Variants in CIB2 observed in about 807,000 individuals in gnomAD.
The protein encoded by CIB2 is calcium and integrin-binding family member 2.
Under a neutral mutation model 23.1 loss-of-function variants are expected in CIB2, and 19 were observed. The ratio of observed to expected loss-of-function variants is 0.82; its 90% confidence interval spans 0.57 to 1.21. CIB2 has a LOEUF of 1.21. Ranked by LOEUF, CIB2 falls within the 50% of genes most tolerant of loss-of-function variation. The pLI is 0.00. For synonymous variants in CIB2, 94 were observed against 91.7 expected (o/e 1.03, Z -0.14); for missense variants, 220 against 241.5 (o/e 0.91, Z 0.59).
At chr15:78,115,727 G>A (rs1234492521) in intron 2 of CIB2, among the ~76,000 whole-genome samples, 1 of 136,456 alleles carries the variant, frequency 7.3e-6, no homozygotes, top group East Asian at 2.1e-4. Context: ...ACCCAGGCTG[G>A]AGTGCAGTGG....
At chr15:78,112,396 G>C (rs1263194842) in intron 2 of CIB2, among the ~76,000 whole-genome samples, 3 of 151,742 alleles carry the variant, frequency 2.0e-5, no homozygotes, top group Admixed American at 2.0e-4. Context: ...GCAAGACCCT[G>C]TCTCTACAAA....
rs141932061 is a variant in CIB2 at position 78,105,833 on chromosome 15, C to T, written c.448G>A (p.Asp150Asn). ...LDEEEVVLVC[D>N]KVIEEADLDG... ...AAGTCAGCCTCCTCAATGACCTTGT[C>T]GCACACAAGCACCACCTCCTCCTCA... is the stretch of plus-strand genomic sequence containing the variant. Residue 150 changes from aspartate to asparagine, a missense_variant, in exon 5 of 6, where the codon GAC (aspartate) becomes AAC (asparagine). Transcript: ENST00000258930. 1,937 of 1,614,212 alleles carry T rather than the reference C, an allele frequency of 1.2e-3. 15 individuals carry two copies. The highest frequency in any genetic ancestry group is 9.0e-3 in the South Asian group (823 of 91,090).
rs541491000 is a variant in CIB2, at chr15:78,105,255, T to C, written c.*56A>G. ...CTGGGGAGCTTGGAGGCCACACCCA[T>C]GTGACTGCAGGGCAGGATGGTGGAC... On this transcript the variant is annotated 3_prime_UTR_variant, in exon 6 of 6. Coordinates refer to ENST00000258930, the MANE Select transcript of CIB2 (RefSeq NM_006383.4). The C allele has an allele frequency of 1.9e-6, 3 of 1,611,284 alleles. No homozygotes were observed. Among genetic ancestry groups the C allele is most frequent in the East Asian group, 2.2e-5 (1 of 44,808 alleles).
chr15:78,105,161 GT>G lies in CIB2; in HGVS notation c.*149del, dbSNP rs149170192. The G allele has an allele frequency of 6.3e-3, 5,748 of 912,238 alleles. No homozygotes were observed. The highest frequency in any genetic ancestry group is 9.0e-3 in the Middle Eastern group (32 of 3,556). The allele number at this position is 912,238 out of a possible 1,614,324, so 56.5% of individuals were successfully genotyped here. On this transcript the variant is annotated 3_prime_UTR_variant, in exon 6 of 6. Coordinates refer to ENST00000258930, the MANE Select transcript of CIB2 (RefSeq NM_006383.4). ...TTCACAGGCCCCCTTCCTGGTTAAG[GT>G]TTTTTTTTTGCTGAAAGGGCCACAG...
At chr15:78,129,626 C>T (rs1356743309) in intron 1 of CIB2, among the ~76,000 whole-genome samples, 2 of 152,214 alleles carry the variant, frequency 1.3e-5, no homozygotes, top group Non-Finnish European at 2.9e-5. Flanking sequence ...GTGCCCTTCC[C>T]TAGAACACAC....
chr15:78,127,341 A>T (rs1384734085), intron 1 of CIB2, among the ~76,000 whole-genome samples: 4 of 152,176 alleles, frequency 2.6e-5, no homozygotes, highest in African/African-American at 4.8e-5. Context: ...CTGACAGTAC[A>T]CAGGGACACA....
Position 78,105,110 on chromosome 15 carries a change from G to T in CIB2, c.*201C>A. ...CCATGGGTCCCGGGGCTGGACCACA[G>T]CGGGGCTGTGGGAAGGGTCCTAACC... On this transcript the variant is annotated 3_prime_UTR_variant, in exon 6 of 6. Coordinates refer to ENST00000258930, the MANE Select transcript of CIB2 (RefSeq NM_006383.4). 1.5e-6 allele frequency: 1 copy of T among 680,588 alleles called. No homozygotes were observed. Among genetic ancestry groups the T allele is most frequent in the Non-Finnish European group, 2.4e-6 (1 of 414,800 alleles). The allele number at this position is 680,588 out of a possible 1,614,324, so 42.2% of individuals were successfully genotyped here.
Position 78,104,737 on chromosome 15 carries a change from G to A in CIB2, c.*574C>T, listed in dbSNP as rs1433279492. The A allele has an allele frequency of 6.3e-6, 1 of 158,284 alleles. No individual in the cohort carries two copies. The highest frequency in any genetic ancestry group is 1.4e-5 in the Non-Finnish European group (1 of 71,140). 9.8% of individuals were successfully genotyped at this position (158,284 alleles called of 1,614,324 possible). A position where few individuals can be genotyped will look rare whatever the true frequency, so the allele number is the denominator to read the frequency against. ...TCCACGGTGTTGGGGAGGCAGGCAG[G>A]GTGGTACTCATGACCCAGAGGCAGA... On this transcript the variant is annotated 3_prime_UTR_variant, in exon 6 of 6. Coordinates refer to ENST00000258930, the MANE Select transcript of CIB2 (RefSeq NM_006383.4). The surrounding 1 kb of genome is among the most constrained non-coding windows in gnomAD (Gnocchi z 4.4).
In CIB2 at chr15:78,131,244, C is replaced by G. The variant is rs1487372758; in HGVS notation, c.-29G>C. 2 of 1,473,400 alleles carry G rather than the reference C, an allele frequency of 1.4e-6. No homozygotes were observed. Among genetic ancestry groups the G allele is most frequent in the Admixed American group, 2.1e-5 (1 of 48,660 alleles). The allele number at this position is 1,473,400 out of a possible 1,614,324, so 91.3% of individuals were successfully genotyped here. A position where few individuals can be genotyped will look rare whatever the true frequency, so the allele number is the denominator to read the frequency against. ...GGCCGCCGCGCCGCCGCTCGCCCGC[C>G]CGGGCTCCGACTCCCATCAGCGGCC... On this transcript the variant is annotated 5_prime_UTR_variant, in exon 1 of 6. Coordinates refer to ENST00000258930, the MANE Select transcript of CIB2 (RefSeq NM_006383.4). This position sits in a 1 kb window ranked among gnomAD's most constrained non-coding sequence, Gnocchi z 5.8.
At chr15:78,109,209 A>T in intron 4 of CIB2, 26 bp downstream of exon 4, 6 of 832,080 alleles carry the variant, frequency 7.2e-6, no homozygotes, top group Non-Finnish European at 1.1e-5. Context: ...CCGCATATTC[A>T]GGCCCCCTCC....
At chr15:78,120,305 T>A (rs1054842845) in intron 2 of CIB2, among the ~76,000 whole-genome samples, 8 of 152,098 alleles carry the variant, frequency 5.3e-5, no homozygotes, top group Non-Finnish European at 1.0e-4. Context: ...TTACAGGTAA[T>A]TTTTTTTGTC....
At chr15:78,124,103 T>A (rs2074353097) in intron 1 of CIB2, among the ~76,000 whole-genome samples, 1 of 151,950 alleles carries the variant, frequency 6.6e-6, no homozygotes, top group African/African-American at 2.4e-5. Flanking sequence ...GGGAGACAAC[T>A]CCGAATGAGG....
At chr15:78,129,909 G>A (rs902967391) in intron 1 of CIB2, among the ~76,000 whole-genome samples, 4 of 152,206 alleles carry the variant, frequency 2.6e-5, no homozygotes, top group Non-Finnish European at 5.9e-5. Context: ...CAATTACTGT[G>A]CCTGGTACAC....
At chr15:78,111,376 C>T (rs1003742354) in intron 2 of CIB2, 100 bp from the exon 3 acceptor site, 2 of 918,952 alleles carry the variant, frequency 2.2e-6, no homozygotes, top group Non-Finnish European at 1.7e-6. Flanking sequence ...GCAGAACATC[C>T]TCAGCCAGGA....
intron 2 of CIB2, among the ~76,000 whole-genome samples, chr15:78,111,788 G>C (rs1183876410): frequency 1.3e-5 from 2 of 152,158 alleles, no homozygotes; most frequent in African/African-American, 4.8e-5. Context: ...TTGAGCCCAA[G>C]ATGGGAAATC....
At chr15:78,110,048 T>A (rs891898771) in intron 3 of CIB2, among the ~76,000 whole-genome samples, 6 of 152,098 alleles carry the variant, frequency 3.9e-5, no homozygotes, top group Non-Finnish European at 8.8e-5. Context: ...TGGGGTCAGA[T>A]AACTGGACCA....
intron 4 of CIB2, 133 bp downstream of exon 4, chr15:78,109,102 C>G: frequency 4.9e-6 from 5 of 1,029,478 alleles, no homozygotes; most frequent in Non-Finnish European, 7.0e-6. Flanking sequence ...ACTGGACAGG[C>G]ACTCTTCAGA....
chr15:78,129,913 G>C (rs1461761626), intron 1 of CIB2, among the ~76,000 whole-genome samples: 1 of 152,166 alleles, frequency 6.6e-6, no homozygotes, highest in African/African-American at 2.4e-5. Context: ...TACTGTGCCT[G>C]GTACACAGCA....
At chr15:78,129,622 T>C (rs78704192) in intron 1 of CIB2, among the ~76,000 whole-genome samples, 4,607 of 152,256 alleles carry the variant, frequency 0.03, 210 homozygotes, top group African/African-American at 0.1. Context: ...ACTAGTGCCC[T>C]TCCCTAGAAC....
Sources: gnomAD v4.1 joint callset for allele counts (sites outside exome capture counted in the v4.1 genomes callset) on GRCh38, gnomAD v4.1.1 for gene constraint, Gnocchi (gnomAD v3.1) non-coding constraint, MANE v1.5 for transcripts, NCBI Gene and HGNC (gene_info 2026-07-23, HGNC 2026-07-21) for gene names.